Variants in CACNA1B observed in about 807,000 individuals in gnomAD.
CACNA1B encodes calcium voltage-gated channel subunit alpha1 B, also known as voltage-dependent N-type calcium channel subunit alpha-1B.
In CACNA1B, 70 loss-of-function variants were observed where a neutral mutation model predicts 247.2. That is an observed-to-expected ratio of 0.28 (90% confidence interval 0.23 to 0.35). CACNA1B has a LOEUF of 0.35. CACNA1B is among the 10% of genes least tolerant of loss of function. CACNA1B has a pLI of 1.00. For synonymous variants in CACNA1B, 1,231 were observed against 1,294.4 expected (o/e 0.95, Z 1.05); for missense variants, 2,367 against 3,197.4 (o/e 0.74, Z 6.26).
At position 138,121,375 on chromosome 9, in the gene CACNA1B, C is replaced by T; in HGVS notation, c.6490-94C>T. 8 of 1,000,358 alleles carry T rather than the reference C, an allele frequency of 8.0e-6. No homozygotes were observed. The South Asian group carries it at 1.4e-4, about 18-fold the overall frequency. The allele number at this position is 1,000,358 out of a possible 1,614,324, so 62.0% of individuals were successfully genotyped here. On this transcript the variant is annotated intron_variant, in intron 46 of 46. Coordinates refer to ENST00000371372, the MANE Select transcript of CACNA1B (RefSeq NM_000718.4). This position sits in a 1 kb window ranked among gnomAD's most constrained non-coding sequence, Gnocchi z 6.8. ...ATTGCCTCCCTCTCTCCTCCCATCCCCCCAGGCACCTGTGTGTGATGTGCT... is the reference window on the plus strand; with the variant it reads ...ATTGCCTCCCTCTCTCCTCCCATCCTCCCAGGCACCTGTGTGTGATGTGCT...
chr9:137,912,950 G>A (rs1020553922), intron 3 of CACNA1B, among the ~76,000 whole-genome samples: 18 of 152,116 alleles, frequency 1.2e-4, no homozygotes, highest in Non-Finnish European at 1.9e-4. Context: ...TCCTGTGAGC[G>A]CTTCTGGATT....
chr9:138,008,682 G>T (rs1253197258), intron 16 of CACNA1B, among the ~76,000 whole-genome samples: 1 of 152,254 alleles, frequency 6.6e-6, no homozygotes, highest in East Asian at 1.9e-4. Context: ...AGTGGCTGTA[G>T]CCTGGGCAGG....
At position 138,076,171 on chromosome 9, in the gene CACNA1B, C is replaced by T. The variant is rs72769086; in HGVS notation, c.4949+261C>T. Among the ~76,000 whole-genome samples, 3,270 of 152,288 alleles carry T rather than the reference C, an allele frequency of 0.021. 55 individuals carry two copies. The highest frequency in any genetic ancestry group is 0.036 in the Non-Finnish European group (2,443 of 68,018). On this transcript the variant is annotated intron_variant, in intron 35 of 46. Transcript: ENST00000371372. ...TCATCCTGGGAGCCCTGGGCCAGGC[C>T]GGCCTCTGCTGCCTCGTCTGTGCTC...
In CACNA1B at chr9:138,120,758, G is replaced by A. The variant is rs149071215; in HGVS notation, c.6366G>A (p.Ser2122=). The A allele has an allele frequency of 9.3e-5, 144 of 1,549,606 alleles. No individual in the cohort carries two copies. The African/African-American group carries it at 1.4e-3, about 15-fold the overall frequency. The change falls in exon 46 of 47, where the codon TCG becomes TCA. Residue 2122 remains serine (S), a synonymous_variant. Coordinates refer to ENST00000371372, the MANE Select transcript of CACNA1B (RefSeq NM_000718.4). ...GGAGGCAGCCCTCATCCTCCTCCTC[G>A]GAGAAGCAGCGCTTCTACTCCTGCG... ...QERRQPSSSS[S]EKQRFYSCDR...
chr9:137,989,735 C>G (rs550543870), intron 15 of CACNA1B, among the ~76,000 whole-genome samples: 1 of 152,242 alleles, frequency 6.6e-6, no homozygotes, highest in East Asian at 1.9e-4. Context: ...AAGACACTTT[C>G]AGACACAAAT....
rs1181925963 is a variant in CACNA1B at position 138,100,428 on chromosome 9, T to G, written c.5223-2283T>G. The stretch of plus-strand genomic sequence containing the variant: ...GCTGGGGAGGGTGGGGGGTCTCACG[T>G]GTGTCCAGCCCCCCGTGGTGGTCCC... On this transcript the variant is annotated intron_variant, in intron 37 of 46. Transcript: ENST00000371372. The surrounding 1 kb of genome is among the most constrained non-coding windows in gnomAD (Gnocchi z 4.6). Among the ~76,000 whole-genome samples, 3 of 152,146 alleles carry G rather than the reference T, an allele frequency of 2.0e-5. No individual in the cohort carries two copies. Among genetic ancestry groups the G allele is most frequent in the Non-Finnish European group, 4.4e-5 (3 of 68,026 alleles).
chr9:137,904,016 G>T (rs1957269280), intron 3 of CACNA1B, among the ~76,000 whole-genome samples: 1 of 152,192 alleles, frequency 6.6e-6, no homozygotes, highest in Non-Finnish European at 1.5e-5. Flanking sequence ...CGAAGTTTTG[G>T]TTGTGATTAC....
intron 26 of CACNA1B, among the ~76,000 whole-genome samples, chr9:138,055,129 C>CTTTTTT (rs1306363608): frequency 1.4e-5 from 2 of 140,716 alleles, no homozygotes; most frequent in Non-Finnish European, 3.1e-5. Context: ...TTTTCTTTTT[C>CTTTTTT]TTTTTTTTTT....
Position 138,051,984 on chromosome 9 carries a change from C to G in CACNA1B, c.3711-108C>G. 1.5e-6 allele frequency: 1 copy of G among 655,256 alleles called. No individual in the cohort carries two copies. Among genetic ancestry groups the G allele is most frequent in the Non-Finnish European group, 2.8e-6 (1 of 360,906 alleles). 40.6% of individuals were successfully genotyped at this position (655,256 alleles called of 1,614,324 possible). On this transcript the variant is annotated intron_variant, in intron 24 of 46. Coordinates refer to ENST00000371372, the MANE Select transcript of CACNA1B (RefSeq NM_000718.4). This position sits in a 1 kb window ranked among gnomAD's most constrained non-coding sequence, Gnocchi z 4.3. ...GCTCCTGGGTCCTCCACCCTGGAGT[C>G]TGAGACAAAATGCACAGGGGAGCAG...
Position 138,064,010 on chromosome 9 carries a change from A to G in CACNA1B, c.4668+4273A>G, listed in dbSNP as rs2133517236. Among the ~76,000 whole-genome samples, 2 of 152,250 alleles carry G rather than the reference A, an allele frequency of 1.3e-5. 1 individual carries two copies. The highest frequency in any genetic ancestry group is 3.9e-4 in the East Asian group (2 of 5,170). Reference sequence around the variant, plus strand: ...CAGTTAGTTAGGACTAGCCAAATGAACACCAGCTGTGCCTGGGCACACGAG... The same window carrying G: ...CAGTTAGTTAGGACTAGCCAAATGAGCACCAGCTGTGCCTGGGCACACGAG... On this transcript the variant is annotated intron_variant, in intron 31 of 46. Transcript: ENST00000371372.
Position 138,025,063 on chromosome 9 carries a change from C to T in CACNA1B, c.3177C>T (p.Asp1059=), listed in dbSNP as rs752893874. 6.8e-6 allele frequency: 11 copies of T among 1,612,306 alleles called. No homozygotes were observed. In the Admixed American group the frequency reaches 1.8e-4, roughly 27 times the overall value. The change falls in exon 20 of 47, where the codon GAC becomes GAT. Residue 1059 remains aspartate, a synonymous_variant. Coordinates refer to ENST00000371372, the MANE Select transcript of CACNA1B (RefSeq NM_000718.4). ...TGGAGGAACAGCCAGAGGATGCAGA[C>T]AATCAGCGGAACGTCACTCGCATGG... ...QKVEEQPEDA[D]NQRNVTRMGS...
chr9:137,905,456 T>A (rs1174402131), intron 3 of CACNA1B, among the ~76,000 whole-genome samples: 1 of 152,226 alleles, frequency 6.6e-6, no homozygotes, highest in Non-Finnish European at 1.5e-5. Flanking sequence ...TAATGTTTTA[T>A]CCTATTTTAT....
At chr9:138,056,853 C>T (rs1026765428) in intron 26 of CACNA1B, among the ~76,000 whole-genome samples, 2 of 151,290 alleles carry the variant, frequency 1.3e-5, no homozygotes, top group South Asian at 2.1e-4. Flanking sequence ...TGTTGAGCAG[C>T]GTTTCATGTG....
Position 138,054,553 on chromosome 9 carries a change from C to T in CACNA1B, c.3968+547C>T, listed in dbSNP as rs1959423136. Among the ~76,000 whole-genome samples, 1 of 152,268 alleles carries T rather than the reference C, an allele frequency of 6.6e-6. No homozygotes were observed. The highest frequency in any genetic ancestry group is 2.1e-4 in the South Asian group (1 of 4,834). On this transcript the variant is annotated intron_variant, in intron 26 of 46. Coordinates refer to ENST00000371372, the MANE Select transcript of CACNA1B (RefSeq NM_000718.4). This position sits in a 1 kb window ranked among gnomAD's most constrained non-coding sequence, Gnocchi z 4.6. Reference sequence around the variant, plus strand: ...TCTTCCTGCCCACGCGGCAGCGTCCCAGCTGCTTCTGTGTGAATATCATGC... The same window carrying T: ...TCTTCCTGCCCACGCGGCAGCGTCCTAGCTGCTTCTGTGTGAATATCATGC...
chr9:137,954,710 G>A lies in CACNA1B; in HGVS notation c.1071-988G>A, dbSNP rs1564206010. ...GCACCTGGGCAGGCCTGGTCACCTT[G>A]CACTGCCTGGGCTGTAGCAGCTCAG... On this transcript the variant is annotated intron_variant, in intron 7 of 46. Coordinates refer to ENST00000371372, the MANE Select transcript of CACNA1B (RefSeq NM_000718.4). This position sits in a 1 kb window ranked among gnomAD's most constrained non-coding sequence, Gnocchi z 4.1. Among the ~76,000 whole-genome samples, 1 of 152,086 alleles carries A rather than the reference G, an allele frequency of 6.6e-6. No homozygotes were observed. The highest frequency in any genetic ancestry group is 1.5e-5 in the Non-Finnish European group (1 of 68,004).
intron 3 of CACNA1B, among the ~76,000 whole-genome samples, chr9:137,895,286 A>G (rs944371153): frequency 8.5e-5 from 13 of 152,210 alleles, no homozygotes; most frequent in African/African-American, 2.7e-4. Context: ...ACTCCTCCCA[A>G]TTTATTCTTT....
At chr9:138,004,081 G>A (rs1958616267) in intron 15 of CACNA1B, among the ~76,000 whole-genome samples, 1 of 152,046 alleles carries the variant, frequency 6.6e-6, no homozygotes, top group African/African-American at 2.4e-5. Context: ...AGTCGGCGAA[G>A]GTGTGCATAG....
At chr9:137,928,145 T>C (rs921881402) in intron 6 of CACNA1B, among the ~76,000 whole-genome samples, 1 of 152,198 alleles carries the variant, frequency 6.6e-6, no homozygotes, top group Non-Finnish European at 1.5e-5. Context: ...GTCACCAGGC[T>C]GGTGTGCAGT....
At chr9:138,037,574 G>C (rs572092839) in intron 20 of CACNA1B, among the ~76,000 whole-genome samples, 2 of 152,168 alleles carry the variant, frequency 1.3e-5, no homozygotes, top group Admixed American at 1.3e-4. Context: ...CAGGAGAATC[G>C]CTTGAACACG....
Sources: allele counts gnomAD v4.1 joint callset (sites outside exome capture counted in the v4.1 genomes callset), GRCh38; gene constraint gnomAD v4.1.1; non-coding constraint Gnocchi (gnomAD v3.1); transcripts MANE v1.5; gene names NCBI Gene and HGNC (gene_info 2026-07-23, HGNC 2026-07-21).